Variants in USP7 observed in about 807,000 individuals in gnomAD.
USP7 encodes the protein ubiquitin C-terminal hydrolase 7.
Under a neutral mutation model 162.9 loss-of-function variants are expected in USP7, and 9 were observed. The ratio of observed to expected loss-of-function variants is 0.06; its 90% confidence interval spans 0.03 to 0.10. The LOEUF (loss-of-function observed/expected upper bound fraction) is 0.10. USP7 is among the 10% of genes least tolerant of loss of function. The pLI is 1.00. For synonymous variants in USP7, 562 were observed against 475.9 expected (o/e 1.18, Z -2.35); for missense variants, 715 against 1,373.7 (o/e 0.52, Z 7.58).
intron 1 of USP7, among the ~76,000 whole-genome samples, chr16:8,961,540 C>G (rs1299955202): frequency 6.9e-6 from 1 of 145,808 alleles, no homozygotes; most frequent in African/African-American, 2.5e-5. Flanking sequence ...ATTTGTGGAC[C>G]TGGTCATTTT....
At position 8,899,429 on chromosome 16, in the gene USP7, T is replaced by C. The variant is rs570110655; in HGVS notation, c.2463+175A>G. The C allele has an allele frequency of 4.5e-5, 40 of 897,698 alleles. No individual in the cohort carries two copies. In the African/African-American group the frequency reaches 5.7e-4, roughly 13 times the overall value. 55.6% of individuals were successfully genotyped at this position (897,698 alleles called of 1,614,324 possible). On this transcript the variant is annotated intron_variant, in intron 22 of 30. Transcript: ENST00000344836. Reference sequence around the variant, plus strand: ...GTGAGGTCTACAGGTTCTTTTCTGATGGCGATTATTCTAGCTCCCAAGGCA... The same window carrying C: ...GTGAGGTCTACAGGTTCTTTTCTGACGGCGATTATTCTAGCTCCCAAGGCA...
At chr16:8,904,249 C>T (rs1596358872) in intron 15 of USP7, among the ~76,000 whole-genome samples, 186 bp downstream of exon 15, 2 of 152,188 alleles carry the variant, frequency 1.3e-5, no homozygotes, top group African/African-American at 4.8e-5. Flanking sequence ...GGCAGCTGCC[C>T]TGCTGTGCAG....
At chr16:8,930,190 C>A in intron 2 of USP7, 103 bp downstream of exon 2, 1 of 838,588 alleles carries the variant, frequency 1.2e-6, no homozygotes, top group South Asian at 2.1e-5. Context: ...TAGCTACGCT[C>A]AGAAGTACCC....
chr16:8,910,133 A>C (rs1396368812), intron 11 of USP7, among the ~76,000 whole-genome samples: 1 of 152,172 alleles, frequency 6.6e-6, no homozygotes, highest in South Asian at 2.1e-4. Context: ...AGGTTATAAG[A>C]TTACAAAACA....
intron 11 of USP7, 91 bp from the exon 12 acceptor site, chr16:8,908,541 T>A: frequency 9.2e-7 from 1 of 1,089,874 alleles, no homozygotes; most frequent in South Asian, 1.5e-5. Flanking sequence ...GATTGGAACA[T>A]GTCTGGAGAC....
chr16:8,942,924 G>A (rs1899111492), intron 1 of USP7, among the ~76,000 whole-genome samples: 1 of 152,156 alleles, frequency 6.6e-6, no homozygotes, highest in African/African-American at 2.4e-5. Context: ...ATTTCCAGGG[G>A]ACAGTCCTGT....
intron 21 of USP7, chr16:8,900,069 CAGA>C: frequency 2.3e-6 from 1 of 433,374 alleles, no homozygotes; most frequent in South Asian, 2.7e-5. Flanking sequence ...GTCTTGCCCA[CAGA>C]CCTGACAGGT....
chr16:8,914,256 C>CT (rs1449512809), intron 10 of USP7, among the ~76,000 whole-genome samples: 2 of 152,046 alleles, frequency 1.3e-5, no homozygotes, highest in African/African-American at 4.8e-5. Context: ...CCACCAAAAT[C>CT]TTTCAAAGTC....
rs751108261 is a variant in USP7, at chr16:8,921,339, A to G, written c.384-44T>C. 6.9e-6 allele frequency: 11 copies of G among 1,597,384 alleles called. No individual in the cohort carries two copies. In the African/African-American group the frequency reaches 1.5e-4, roughly 21 times the overall value. On this transcript the variant is annotated intron_variant, in intron 3 of 30. Transcript: ENST00000344836. The stretch of plus-strand genomic sequence containing the variant: ...TGAGCCTTAGTTGACATTATTTACC[A>G]GATGTTATACATTTTTAAAGACAGT...
intron 1 of USP7, among the ~76,000 whole-genome samples, chr16:8,930,824 C>T (rs1467357271): frequency 6.6e-6 from 1 of 152,132 alleles, no homozygotes; most frequent in Non-Finnish European, 1.5e-5. Context: ...CAAAAATTAG[C>T]TGGGTGTGGT....
chr16:8,907,355 T>C (rs2061877056), intron 12 of USP7, among the ~76,000 whole-genome samples: 1 of 152,206 alleles, frequency 6.6e-6, no homozygotes, highest in Non-Finnish European at 1.5e-5. Flanking sequence ...CTGACCACGG[T>C]AAAGACTGTG....
intron 30 of USP7, 72 bp from the exon 31 acceptor site, chr16:8,894,176 T>G: frequency 7.2e-7 from 1 of 1,392,850 alleles, no homozygotes; most frequent in Non-Finnish European, 1.0e-6. Context: ...TGGTGGCCAG[T>G]GAGGCATGCA....
chr16:8,941,088 T>C (rs1899025514), intron 1 of USP7, among the ~76,000 whole-genome samples: 1 of 152,178 alleles, frequency 6.6e-6, no homozygotes, highest in Non-Finnish European at 1.5e-5. Context: ...ACACTGCCCA[T>C]GTTTGCCAAG....
In USP7 at chr16:8,916,488, T is replaced by G. The variant is rs1035693049; in HGVS notation, c.906+14A>C. ...TTCATTGTAAGAAATATACAAGTAT[T>G]GCTTGAAACTTACCACTCGACAAAG... On this transcript the variant is annotated intron_variant, in intron 8 of 30. Transcript: ENST00000344836. 2 of 1,605,458 alleles carry G rather than the reference T, an allele frequency of 1.2e-6. No homozygotes were observed. The highest frequency in any genetic ancestry group is 2.7e-5 in the African/African-American group (2 of 74,428).
chr16:8,947,911 G>A (rs1000937828), intron 1 of USP7, among the ~76,000 whole-genome samples: 1 of 152,180 alleles, frequency 6.6e-6, no homozygotes, highest in South Asian at 2.1e-4. Flanking sequence ...TAAAGCAGCT[G>A]CCACATGCCA....
At chr16:8,951,143 G>A (rs1899528093) in intron 1 of USP7, among the ~76,000 whole-genome samples, 2 of 152,048 alleles carry the variant, frequency 1.3e-5, no homozygotes, top group Non-Finnish European at 2.9e-5. Flanking sequence ...ACCAAGTAAG[G>A]ATTTCTGTAT....
At chr16:8,945,948 T>C (rs1214551065) in intron 1 of USP7, among the ~76,000 whole-genome samples, 2 of 151,968 alleles carry the variant, frequency 1.3e-5, no homozygotes, top group Admixed American at 1.3e-4. Flanking sequence ...TACCTGATTA[T>C]GAAGCTTCCA....
chr16:8,942,432 G>C (rs1483068357), intron 1 of USP7, among the ~76,000 whole-genome samples: 2 of 152,218 alleles, frequency 1.3e-5, no homozygotes, highest in Admixed American at 1.3e-4. Context: ...AGCACTGTGA[G>C]GGTCTGACCA....
Position 8,905,473 on chromosome 16 carries a change from C to T in USP7, c.1429-142G>A, listed in dbSNP as rs1446536876. 3 of 1,028,992 alleles carry T rather than the reference C, an allele frequency of 2.9e-6. No individual in the cohort carries two copies. In the African/African-American group the frequency reaches 4.7e-5, roughly 16 times the overall value. The allele number at this position is 1,028,992 out of a possible 1,614,324, so 63.7% of individuals were successfully genotyped here. On this transcript the variant is annotated intron_variant, in intron 13 of 30. Coordinates refer to ENST00000344836, the MANE Select transcript of USP7 (RefSeq NM_003470.3). ...ATATCCATGTGTGTTCTTATACAGG[C>T]ACACAATCTGACGGTGTGCTAGGCA...
Sources: gnomAD v4.1 joint callset for allele counts (sites outside exome capture counted in the v4.1 genomes callset) on GRCh38, gnomAD v4.1.1 for gene constraint, MANE v1.5 for transcripts, NCBI Gene and HGNC (gene_info 2026-07-23, HGNC 2026-07-21) for gene names.